ZDHHC11B: variants seen among roughly 807,000 people sequenced by gnomAD.
The protein encoded by ZDHHC11B is zDHHC palmitoyltransferase 11B (putative).
In ZDHHC11B, 17 loss-of-function variants were observed where a neutral mutation model predicts 42.3. That is an observed-to-expected ratio of 0.40 (90% CI 0.27 to 0.60). The LOEUF (loss-of-function observed/expected upper bound fraction) is 0.60, where lower values mean the gene tolerates loss of function less well. ZDHHC11B is among the 20% of genes least tolerant of loss of function. The pLI, the probability that ZDHHC11B is intolerant of heterozygous loss-of-function variation, is 0.41. For missense variants in ZDHHC11B, 262 were observed against 463.2 expected (o/e 0.57, Z 3.99); for synonymous variants, 123 against 193.5 (o/e 0.64, Z 3.02).
chr5:770,036 C>A (rs1372787984), intron 1 of ZDHHC11B, among the ~76,000 whole-genome samples: 1 of 151,854 alleles, frequency 6.6e-6, no homozygotes, highest in Non-Finnish European at 1.5e-5. Context: ...TCTTGGCTGC[C>A]CAGTCCTTCG....
chr5:777,895 C>A (rs1350936505), intron 1 of ZDHHC11B, among the ~76,000 whole-genome samples: 1 of 151,450 alleles, frequency 6.6e-6, no homozygotes, highest in African/African-American at 2.4e-5. Flanking sequence ...GCCCCAGCAC[C>A]GAGGGAGCCC....
intron 1 of ZDHHC11B, among the ~76,000 whole-genome samples, chr5:779,256 G>A (rs1441530563): frequency 6.0e-5 from 9 of 150,746 alleles, no homozygotes; most frequent in African/African-American, 2.2e-4. Context: ...CTCATGAGAT[G>A]CCTGGACGCT....
At chr5:723,161 G>A (rs545730013) in intron 12 of ZDHHC11B, among the ~76,000 whole-genome samples, 24 of 150,112 alleles carry the variant, frequency 1.6e-4, no homozygotes, top group South Asian at 8.5e-4. Flanking sequence ...AACAAAATAC[G>A]GAGTCAATGA....
intron 12 of ZDHHC11B, among the ~76,000 whole-genome samples, chr5:728,593 G>A (rs1314580738): frequency 1.3e-4 from 19 of 151,960 alleles, no homozygotes; most frequent in African/African-American, 4.6e-4. Flanking sequence ...CCATATTGTT[G>A]AAGAAATTAA....
chr5:751,458 GC>G (rs1441900563), intron 6 of ZDHHC11B, among the ~76,000 whole-genome samples: 1 of 23,932 alleles, frequency 4.2e-5, no homozygotes, highest in East Asian at 1.8e-3. Context: ...GACACGCAGG[GC>G]ATCTGAGGCA....
At chr5:765,404 C>T (rs7704346) in intron 4 of ZDHHC11B, among the ~76,000 whole-genome samples, 75 of 151,960 alleles carry the variant, frequency 4.9e-4, no homozygotes, top group Admixed American at 7.2e-4. Context: ...CCAATCAGTG[C>T]TCTGTGGGGA....
At chr5:780,772 A>C (rs1383829226) in intron 1 of ZDHHC11B, among the ~76,000 whole-genome samples, 1 of 151,854 alleles carries the variant, frequency 6.6e-6, no homozygotes, top group African/African-American at 2.4e-5. Flanking sequence ...GCTTCACCCC[A>C]GTGGCTCTGT....
At chr5:721,415 A>T (rs1286192228) in intron 12 of ZDHHC11B, among the ~76,000 whole-genome samples, 2 of 151,624 alleles carry the variant, frequency 1.3e-5, no homozygotes, top group African/African-American at 4.9e-5. Flanking sequence ...ATTAAAAGTC[A>T]GAGATTGGTG....
chr5:724,173 T>G (rs1305324667), intron 12 of ZDHHC11B, among the ~76,000 whole-genome samples: 1 of 151,286 alleles, frequency 6.6e-6, no homozygotes, highest in African/African-American at 2.4e-5. Context: ...CGTCTGCATG[T>G]GTCTCCAACA....
chr5:732,681 G>T (rs1743109827), intron 11 of ZDHHC11B: 1 of 447,666 alleles, frequency 2.2e-6, no homozygotes, highest in South Asian at 1.6e-5. Flanking sequence ...CCACAGGGAA[G>T]GACAAGTCAC....
chr5:763,371 G>A (rs1441812208), intron 4 of ZDHHC11B, among the ~76,000 whole-genome samples: 1 of 62,756 alleles, frequency 1.6e-5, no homozygotes, highest in Admixed American at 2.4e-4. Flanking sequence ...CTCCCATCTC[G>A]GGAAAAAAAA....
chr5:756,817 C>T (rs1263178882), intron 4 of ZDHHC11B, among the ~76,000 whole-genome samples: 1 of 151,640 alleles, frequency 6.6e-6, no homozygotes, highest in East Asian at 1.9e-4. Context: ...CCAGACGGCT[C>T]ACTGACGGAC....
intron 8 of ZDHHC11B, among the ~76,000 whole-genome samples, chr5:745,629 T>C (rs1049350142): frequency 2.0e-5 from 3 of 150,016 alleles, no homozygotes; most frequent in African/African-American, 7.3e-5. Flanking sequence ...CTGGGTCCCC[T>C]ATACCATGCA....
intron 1 of ZDHHC11B, among the ~76,000 whole-genome samples, chr5:776,125 A>G (rs1299168813): frequency 2.0e-5 from 3 of 150,522 alleles, no homozygotes; most frequent in South Asian, 4.2e-4. Flanking sequence ...CTGCCATCAC[A>G]GCCCTCAATC....
chr5:762,001 C>T (rs1734691038), intron 4 of ZDHHC11B, among the ~76,000 whole-genome samples: 1 of 150,040 alleles, frequency 6.7e-6, no homozygotes, highest in Non-Finnish European at 1.5e-5. Context: ...CCACTCACAG[C>T]CAAGAGGGCC....
chr5:730,005 G>C (rs1374267918), intron 12 of ZDHHC11B, among the ~76,000 whole-genome samples: 2 of 151,156 alleles, frequency 1.3e-5, no homozygotes, highest in African/African-American at 4.9e-5. Flanking sequence ...CAGCTTTTTA[G>C]TTTGGAGGGT....
chr5:727,926 T>C (rs1255437943), intron 12 of ZDHHC11B, among the ~76,000 whole-genome samples: 1 of 151,760 alleles, frequency 6.6e-6, no homozygotes, highest in Non-Finnish European at 1.5e-5. Context: ...ATTTGACAAC[T>C]GACTTCACAA....
At chr5:773,210 G>A (rs1488558247) in intron 1 of ZDHHC11B, among the ~76,000 whole-genome samples, 2 of 151,940 alleles carry the variant, frequency 1.3e-5, no homozygotes, top group South Asian at 2.1e-4. Flanking sequence ...GCTCTCCACC[G>A]AGCATGGCAT....
intron 6 of ZDHHC11B, among the ~76,000 whole-genome samples, chr5:754,537 GT>G (rs1746322327): frequency 1.1e-5 from 1 of 92,048 alleles, no homozygotes; most frequent in African/African-American, 4.0e-5. Flanking sequence ...AACACCTCTC[GT>G]CTATGAGCCT....
Sources: allele counts gnomAD v4.1 joint callset (sites outside exome capture counted in the v4.1 genomes callset), GRCh38; gene constraint gnomAD v4.1.1; transcripts MANE v1.5; gene names NCBI Gene and HGNC (gene_info 2026-07-23, HGNC 2026-07-21).